PRELID2: variants seen among roughly 807,000 people sequenced by gnomAD.
PRELID2 encodes the protein PRELI domain-containing protein 2.
PRELID2 carries 25 observed loss-of-function variants against 28.4 expected under a neutral mutation model. That is an observed-to-expected ratio of 0.88 (90% CI 0.64 to 1.23). The LOEUF is 1.23. Among genes scored for constraint, PRELID2 ranks in the 50% most tolerant of loss-of-function variants. The probability of loss-of-function intolerance (pLI) is 0.00; values close to 1 mark genes in which losing one functional copy is unlikely to be tolerated. For missense variants in PRELID2, 201 were observed against 214.4 expected, an observed-to-expected ratio of 0.94 and a Z score of 0.39; for synonymous variants, 76 against 71.6, an observed-to-expected ratio of 1.06 and a Z score of -0.31.
chr5:145,740,910 G>A (rs1756688592), intron 1 of PRELID2, among the ~76,000 whole-genome samples: 1 of 78,340 alleles, frequency 1.3e-5, no homozygotes, highest in African/African-American at 5.0e-5. Flanking sequence ...AAATATATAT[G>A]TACATATATT....
At chr5:145,740,840 C>A (rs1396503413) in intron 1 of PRELID2, among the ~76,000 whole-genome samples, 1 of 104,976 alleles carries the variant, frequency 9.5e-6, no homozygotes, top group East Asian at 2.7e-4. Flanking sequence ...ATATATTTAT[C>A]GATAAATATA....
the PRELID2 span, among the ~76,000 whole-genome samples, chr5:145,267,607 C>T: frequency 6.6e-6 from 1 of 152,178 alleles, no homozygotes; most frequent in Non-Finnish European, 1.5e-5. Context: ...GTGAACAGTG[C>T]TGCAATAAAT....
At chr5:145,799,821 A>G (rs1753007798) in intron 4 of PRELID2, among the ~76,000 whole-genome samples, 1 of 152,058 alleles carries the variant, frequency 6.6e-6, no homozygotes, top group South Asian at 2.1e-4. Context: ...GACACCAAGT[A>G]CTCGGTATAG....
intron 1 of PRELID2, among the ~76,000 whole-genome samples, chr5:145,596,098 T>TAAAA (rs1580991539): frequency 2.1e-5 from 1 of 48,170 alleles, no homozygotes; most frequent in African/African-American, 1.6e-4. Flanking sequence ...AGAGCCTGTC[T>TAAAA]CAAAAAAAAA....
At chr5:145,418,818 C>T in the PRELID2 span, among the ~76,000 whole-genome samples, 24 of 151,532 alleles carry the variant, frequency 1.6e-4, no homozygotes, top group Admixed American at 2.6e-4. Context: ...CATGCTGGTG[C>T]GCTGCACCCA....
intron 1 of PRELID2, among the ~76,000 whole-genome samples, chr5:145,491,837 G>A (rs758008879): frequency 4.6e-5 from 7 of 151,972 alleles, no homozygotes; most frequent in Non-Finnish European, 1.0e-4. Context: ...TTAATGTAAT[G>A]TTCTCCAGGT....
chr5:145,402,119 T>C, the PRELID2 span, among the ~76,000 whole-genome samples: 1 of 152,344 alleles, frequency 6.6e-6, no homozygotes, highest in African/African-American at 2.4e-5. Context: ...CATTTTCACA[T>C]GCTTTATTTT....
intron 1 of PRELID2, among the ~76,000 whole-genome samples, chr5:145,648,462 T>C (rs570120327): frequency 4.0e-4 from 60 of 151,664 alleles, no homozygotes; most frequent in Non-Finnish European, 8.4e-4. Context: ...TTAATAGTTA[T>C]CTTTGGTGAG....
intron 1 of PRELID2, among the ~76,000 whole-genome samples, chr5:145,828,828 A>C (rs1022303896): frequency 2.0e-5 from 3 of 147,076 alleles, no homozygotes; most frequent in African/African-American, 7.4e-5. Context: ...ATAGTGAAAA[A>C]AATCTTTTTT....
intron 1 of PRELID2, among the ~76,000 whole-genome samples, chr5:145,686,930 T>C (rs1487270479): frequency 6.6e-6 from 1 of 152,232 alleles, no homozygotes; most frequent in African/African-American, 2.4e-5. Context: ...AATGATCTTA[T>C]GGCATTTTAC....
At chr5:145,698,344 T>A (rs1462052487) in intron 1 of PRELID2, among the ~76,000 whole-genome samples, 1 of 152,196 alleles carries the variant, frequency 6.6e-6, no homozygotes, top group Non-Finnish European at 1.5e-5. Context: ...TATGTCCCTA[T>A]TATCTTGGAG....
intron 1 of PRELID2, among the ~76,000 whole-genome samples, chr5:145,674,367 G>A (rs902497775): frequency 6.6e-6 from 1 of 151,406 alleles, no homozygotes; most frequent in Admixed American, 6.6e-5. Flanking sequence ...GTGTCCAAGT[G>A]TAAAATGTGG....
At chr5:145,435,467 G>A in the PRELID2 span, among the ~76,000 whole-genome samples, 1 of 152,100 alleles carries the variant, frequency 6.6e-6, no homozygotes, top group Non-Finnish European at 1.5e-5. Flanking sequence ...GGGAGAGTGG[G>A]GTCCCGTTGA....
the PRELID2 span, among the ~76,000 whole-genome samples, chr5:145,393,774 T>C: frequency 5.3e-5 from 8 of 152,160 alleles, no homozygotes; most frequent in Non-Finnish European, 8.8e-5. Flanking sequence ...TTAAAATACG[T>C]GTGGAGAAAA....
chr5:145,302,335 T>C, the PRELID2 span, among the ~76,000 whole-genome samples: 6 of 151,702 alleles, frequency 4.0e-5, no homozygotes, highest in Non-Finnish European at 7.4e-5. Context: ...AGGGGGTTTC[T>C]CCGTGTTGCC....
chr5:145,619,404 C>T (rs1753744002), intron 1 of PRELID2, among the ~76,000 whole-genome samples: 1 of 152,208 alleles, frequency 6.6e-6, no homozygotes, highest in African/African-American at 2.4e-5. Flanking sequence ...CTGTATTTCA[C>T]TCGGCTGTCT....
the PRELID2 span, among the ~76,000 whole-genome samples, chr5:145,273,252 C>T: frequency 6.6e-6 from 1 of 152,066 alleles, no homozygotes; most frequent in Non-Finnish European, 1.5e-5. Context: ...GCCAGTATTA[C>T]CAAAAGAGCA....
At chr5:145,662,657 T>C (rs1258893982) in intron 1 of PRELID2, among the ~76,000 whole-genome samples, 1 of 151,994 alleles carries the variant, frequency 6.6e-6, no homozygotes, top group Non-Finnish European at 1.5e-5. Context: ...TGGGTTGTCA[T>C]AGGAGGGGAA....
intron 5 of PRELID2, among the ~76,000 whole-genome samples, chr5:145,771,978 T>C (rs1758136590): frequency 6.6e-6 from 1 of 152,218 alleles, no homozygotes. Flanking sequence ...AAGAGAATAC[T>C]GCATGACACT....
Sources: allele counts gnomAD v4.1 joint callset (sites outside exome capture counted in the v4.1 genomes callset), GRCh38; gene constraint gnomAD v4.1.1; transcripts MANE v1.5; gene names NCBI Gene and HGNC (gene_info 2026-07-23, HGNC 2026-07-21).